The following RTTN variants were observed in gnomAD, a reference collection of about 807,000 sequenced individuals.
RTTN encodes rotatin.
A neutral mutation model predicts 269.2 loss-of-function variants in RTTN; 182 were observed. The ratio of observed to expected loss-of-function variants is 0.68; its 90% confidence interval spans 0.60 to 0.76. The LOEUF is 0.76. Ranked by LOEUF, RTTN falls within the 30% of genes least tolerant of loss-of-function variation. The probability of loss-of-function intolerance (pLI) is 0.00; values close to 1 mark genes in which losing one functional copy is unlikely to be tolerated. For missense variants in RTTN, 2,545 were observed against 2,608.6 expected (o/e 0.98, Z 0.53); for synonymous variants, 1,006 against 963.5 (o/e 1.04, Z -0.82).
At chr18:70,009,948 T>TA (rs1243178047) in intron 46 of RTTN, among the ~76,000 whole-genome samples, 1 of 151,746 alleles carries the variant, frequency 6.6e-6, no homozygotes, top group African/African-American at 2.4e-5. Flanking sequence ...TAGCCTCTGA[T>TA]AAAAAAGACT....
In RTTN at chr18:70,075,435, A is replaced by C; in HGVS notation, c.4481T>G (p.Val1494Gly). 1.2e-6 allele frequency: 2 copies of C among 1,608,756 alleles called. No homozygotes were observed. Among genetic ancestry groups the C allele is most frequent in the Non-Finnish European group, 1.7e-6 (2 of 1,177,786 alleles). The part of the protein sequence containing the change: ...CHFYEHLNQM[V>G]KHCYLGRCMF... ...ACACCGTCCTAGGTAACAATGCTTT[A>C]CCATCTGATTCAAATGTTCATAAAA... is the stretch of plus-strand genomic sequence containing the variant. The change falls in exon 33 of 49, where the codon GTA becomes GGA. Residue 1494 changes from valine (V) to glycine (G), a missense_variant. Physicochemically the swap from Val to Gly is moderately radical, Grantham distance 109 (BLOSUM62 -3). Coordinates refer to ENST00000640769, the MANE Select transcript of RTTN (RefSeq NM_173630.4).
intron 48 of RTTN, among the ~76,000 whole-genome samples, chr18:70,004,956 C>A (rs1442270045): frequency 6.6e-6 from 1 of 152,094 alleles, no homozygotes; most frequent in Non-Finnish European, 1.5e-5. Flanking sequence ...TCACTGTTGG[C>A]AAAGAAAATT....
intron 28 of RTTN, among the ~76,000 whole-genome samples, chr18:70,097,785 G>A (rs1280539095): frequency 1.3e-5 from 2 of 152,030 alleles, no homozygotes; most frequent in Non-Finnish European, 2.9e-5. Flanking sequence ...CTAAAACTAA[G>A]CCCTTTTGTT....
At chr18:70,168,737 G>A (rs2061056795) in intron 12 of RTTN, 118 bp downstream of exon 12, 2 of 733,638 alleles carry the variant, frequency 2.7e-6, no homozygotes, top group African/African-American at 1.8e-5. Flanking sequence ...GACCCACTCA[G>A]GAATAATGTA....
chr18:70,025,945 G>A (rs1039981211), intron 43 of RTTN, among the ~76,000 whole-genome samples: 6 of 152,044 alleles, frequency 3.9e-5, no homozygotes, highest in South Asian at 2.1e-4. Flanking sequence ...TAAACAACTC[G>A]TCCCCAATTT....
At chr18:70,031,284 G>GTA (rs1445608686) in intron 40 of RTTN, 8 of 470,608 alleles carry the variant, frequency 1.7e-5, no homozygotes, top group Non-Finnish European at 3.0e-5. Context: ...AGCGCATATT[G>GTA]TATATATATG....
chr18:70,188,791 T>G (rs2061604332), intron 9 of RTTN, among the ~76,000 whole-genome samples: 2 of 152,186 alleles, frequency 1.3e-5, no homozygotes, highest in Non-Finnish European at 2.9e-5. Flanking sequence ...ACCTCCTTTC[T>G]CCACAGAGAC....
chr18:70,101,003 A>C (rs2059148069), intron 28 of RTTN, among the ~76,000 whole-genome samples: 1 of 152,160 alleles, frequency 6.6e-6, no homozygotes, highest in African/African-American at 2.4e-5. Flanking sequence ...GGATTTTTGC[A>C]CTGATGTTCA....
intron 46 of RTTN, among the ~76,000 whole-genome samples, chr18:70,010,015 T>C (rs1438239833): frequency 1.5e-4 from 23 of 152,058 alleles, no homozygotes; most frequent in Non-Finnish European, 1.5e-5. Context: ...GATAAAGGGA[T>C]CAATGCAACA....
intron 44 of RTTN, among the ~76,000 whole-genome samples, chr18:70,023,425 C>T (rs1007628446): frequency 1.3e-5 from 2 of 152,234 alleles, no homozygotes; most frequent in African/African-American, 4.8e-5. Flanking sequence ...ACTATTTTCA[C>T]TTGAGTGAAC....
chr18:70,029,906 T>C (rs2056963401), intron 42 of RTTN, 106 bp downstream of exon 42: 2 of 768,166 alleles, frequency 2.6e-6, no homozygotes, highest in Middle Eastern at 2.4e-4. Flanking sequence ...CATCTGTACC[T>C]TTCTTCTAAA....
chr18:70,167,296 C>T (rs187653392), intron 12 of RTTN, among the ~76,000 whole-genome samples: 50 of 152,242 alleles, frequency 3.3e-4, no homozygotes, highest in African/African-American at 1.1e-3. Context: ...TTGCCTGGTT[C>T]TTTGATTACT....
intron 36 of RTTN, 128 bp downstream of exon 36, chr18:70,059,722 G>T: frequency 1.7e-6 from 1 of 574,438 alleles, no homozygotes; most frequent in Non-Finnish European, 2.7e-6. Flanking sequence ...AAATCCTAGA[G>T]TTCAATGAGC....
intron 28 of RTTN, among the ~76,000 whole-genome samples, chr18:70,106,217 C>G (rs1480887847): frequency 6.6e-6 from 1 of 152,148 alleles, no homozygotes; most frequent in East Asian, 1.9e-4. Context: ...TAGTGGTGCA[C>G]ACCTGTGGCC....
At chr18:70,042,371 T>G (rs1476464587) in intron 40 of RTTN, among the ~76,000 whole-genome samples, 1 of 126,880 alleles carries the variant, frequency 7.9e-6, no homozygotes, top group Non-Finnish European at 1.6e-5. Flanking sequence ...ATTTTCTTTT[T>G]TTTTTTTTTT....
rs750988958 is a variant in RTTN at position 70,006,496 on chromosome 18, C to A, written c.6422-12G>T. 1.2e-5 allele frequency: 19 copies of A among 1,601,346 alleles called. No individual in the cohort carries two copies. Among genetic ancestry groups the A allele is most frequent in the Non-Finnish European group, 1.4e-5 (16 of 1,168,530 alleles). On this transcript the variant is annotated splice_polypyrimidine_tract_variant and intron_variant, in intron 46 of 48. Coordinates refer to ENST00000640769, the MANE Select transcript of RTTN (RefSeq NM_173630.4). ...AGTAATGACTTTTTCTAAAAATGAA[C>A]ATATATTTTTTAAAAGTTCAGTCCC...
At chr18:70,094,153 A>AT (rs1354293613) in intron 28 of RTTN, among the ~76,000 whole-genome samples, 1 of 151,990 alleles carries the variant, frequency 6.6e-6, no homozygotes, top group Non-Finnish European at 1.5e-5. Flanking sequence ...CCCTTTTATC[A>AT]TTTTTTATTG....
chr18:70,158,514 G>A (rs1409068450), intron 14 of RTTN, among the ~76,000 whole-genome samples: 2 of 152,062 alleles, frequency 1.3e-5, no homozygotes, highest in Non-Finnish European at 2.9e-5. Context: ...ATCTCCCACT[G>A]ACACTATGAT....
intron 40 of RTTN, among the ~76,000 whole-genome samples, chr18:70,032,375 C>A (rs571729547): frequency 6.6e-6 from 1 of 152,316 alleles, no homozygotes; most frequent in South Asian, 2.1e-4. Flanking sequence ...CCCCAGTGGA[C>A]ACGCACCAGC....
Sources: gnomAD v4.1 joint callset for allele counts (sites outside exome capture counted in the v4.1 genomes callset) on GRCh38, gnomAD v4.1.1 for gene constraint, MANE v1.5 for transcripts, NCBI Gene and HGNC (gene_info 2026-07-23, HGNC 2026-07-21) for gene names.